The following SUGCT variants were observed in gnomAD, a reference collection of about 807,000 sequenced individuals.
SUGCT encodes succinyl-CoA:glutarate CoA-transferase.
In SUGCT, 41 loss-of-function variants were observed where a neutral mutation model predicts 55.0. That is an observed-to-expected ratio of 0.74 (90% CI 0.58 to 0.97). The LOEUF (loss-of-function observed/expected upper bound fraction) is 0.97, where lower values mean the gene tolerates loss of function less well. SUGCT is among the 50% of genes least tolerant of loss of function. The pLI is 0.00. For missense variants in SUGCT, 568 were observed against 547.8 expected (o/e 1.04, Z -0.37); for synonymous variants, 187 against 200.4 (o/e 0.93, Z 0.56).
At chr7:40,601,941 G>T (rs747191175) in intron 12 of SUGCT, among the ~76,000 whole-genome samples, 1 of 152,048 alleles carries the variant, frequency 6.6e-6, no homozygotes. Context: ...CTGAGAGTTC[G>T]CATTTTAAAG....
the SUGCT span, among the ~76,000 whole-genome samples, chr7:40,974,186 T>A: frequency 6.6e-6 from 1 of 152,194 alleles, no homozygotes; most frequent in Non-Finnish European, 1.5e-5. Context: ...TCTTGTGGTG[T>A]TGTTCACATA....
intron 12 of SUGCT, among the ~76,000 whole-genome samples, chr7:40,641,320 T>C (rs1346705006): frequency 1.3e-5 from 2 of 152,180 alleles, no homozygotes; most frequent in Non-Finnish European, 2.9e-5. Flanking sequence ...CAGAGACATT[T>C]TCCTTTTGGA....
chr7:40,772,288 T>G (rs953893220), intron 13 of SUGCT, among the ~76,000 whole-genome samples: 1 of 152,168 alleles, frequency 6.6e-6, no homozygotes, highest in Non-Finnish European at 1.5e-5. Flanking sequence ...ACGTAAGTCT[T>G]GCAGATTGTT....
rs1254239436 is a variant in SUGCT at position 40,835,141 on chromosome 7, G to T, written c.1154-25175G>T. Among the ~76,000 whole-genome samples the T allele has an allele frequency of 5.3e-5, 8 of 152,322 alleles. No individual in the cohort carries two copies. The East Asian group carries it at 1.5e-3, about 29-fold the overall frequency. ...AGTCCAACTGAGGAACTGAATTTTA[G>T]TTTTATTTAAGTTTAATTCAAACAC... On this transcript the variant is annotated intron_variant, in intron 13 of 13. Coordinates refer to ENST00000335693, the MANE Select transcript of SUGCT (RefSeq NM_001193313.2).
chr7:41,018,115 G>T, the SUGCT span, among the ~76,000 whole-genome samples: 1 of 151,984 alleles, frequency 6.6e-6, no homozygotes, highest in Non-Finnish European at 1.5e-5. Context: ...CTTTGGTCCA[G>T]CTCAAGAGGA....
chr7:40,984,927 G>C, the SUGCT span, among the ~76,000 whole-genome samples: 64 of 152,282 alleles, frequency 4.2e-4, no homozygotes, highest in Non-Finnish European at 4.7e-4. Context: ...AATTTCTGCT[G>C]TCTGTTTGGT....
At chr7:40,944,353 C>T in the SUGCT span, among the ~76,000 whole-genome samples, 17 of 151,284 alleles carry the variant, frequency 1.1e-4, no homozygotes, top group African/African-American at 4.1e-4. Context: ...GAAGTCCTTG[C>T]CCATGCCTAT....
At chr7:40,776,818 C>T (rs1459071144) in intron 13 of SUGCT, among the ~76,000 whole-genome samples, 2 of 152,174 alleles carry the variant, frequency 1.3e-5, no homozygotes, top group African/African-American at 2.4e-5. Context: ...TCTTTCCTAC[C>T]AAGCTTAGAG....
chr7:40,255,522 A>G (rs985905683), intron 7 of SUGCT, among the ~76,000 whole-genome samples: 4 of 150,752 alleles, frequency 2.7e-5, no homozygotes, highest in African/African-American at 9.7e-5. Flanking sequence ...TTAGCCGGGC[A>G]TGATGGTGGA....
intron 12 of SUGCT, among the ~76,000 whole-genome samples, chr7:40,623,099 A>C (rs368906842): frequency 6.6e-6 from 1 of 152,148 alleles, no homozygotes. Context: ...ATTTTCTAGA[A>C]ATCTCCCTGC....
At chr7:40,987,182 A>G in the SUGCT span, among the ~76,000 whole-genome samples, 1 of 152,084 alleles carries the variant, frequency 6.6e-6, no homozygotes, top group Non-Finnish European at 1.5e-5. Context: ...CGTGGTCCTC[A>G]ATATTGTTTT....
chr7:40,497,700 G>C (rs1014378266), intron 12 of SUGCT, among the ~76,000 whole-genome samples: 1 of 152,070 alleles, frequency 6.6e-6, no homozygotes, highest in Non-Finnish European at 1.5e-5. Context: ...TGAAGCTGTC[G>C]TGTATTGAGG....
chr7:40,944,140 T>A, the SUGCT span, among the ~76,000 whole-genome samples: 1 of 152,250 alleles, frequency 6.6e-6, no homozygotes, highest in Non-Finnish European at 1.5e-5. Context: ...TGTTTTTTTC[T>A]TGTAAATTTG....
At chr7:40,390,348 C>T (rs1785357326) in intron 9 of SUGCT, among the ~76,000 whole-genome samples, 1 of 152,100 alleles carries the variant, frequency 6.6e-6, no homozygotes, top group South Asian at 2.1e-4. Flanking sequence ...TCAAATTGTC[C>T]CTGTTTGCAG....
At chr7:40,930,818 T>G in the SUGCT span, among the ~76,000 whole-genome samples, 1 of 152,220 alleles carries the variant, frequency 6.6e-6, no homozygotes, top group Non-Finnish European at 1.5e-5. Flanking sequence ...AAGGAGATTT[T>G]GGGCTGAGAT....
intron 12 of SUGCT, among the ~76,000 whole-genome samples, chr7:40,703,453 C>T (rs541251689): frequency 1.3e-5 from 2 of 152,236 alleles, no homozygotes; most frequent in South Asian, 4.1e-4. Context: ...AGGTCACCTC[C>T]TCTAACCTCT....
intron 12 of SUGCT, among the ~76,000 whole-genome samples, chr7:40,516,093 T>C (rs1024236088): frequency 2.0e-5 from 3 of 152,214 alleles, no homozygotes; most frequent in Non-Finnish European, 4.4e-5. Context: ...TAGTTTTTAT[T>C]TGCATTACAC....
chr7:40,546,667 A>T (rs1055156381), intron 12 of SUGCT: 1 of 152,188 alleles, frequency 6.6e-6, no homozygotes, highest in Admixed American at 6.5e-5. Context: ...TATCAAATTC[A>T]CATTATAGAT....
At chr7:40,480,694 T>C (rs1372954556) in intron 11 of SUGCT, among the ~76,000 whole-genome samples, 1 of 152,196 alleles carries the variant, frequency 6.6e-6, no homozygotes, top group Non-Finnish European at 1.5e-5. Flanking sequence ...ATTAATGTTG[T>C]ATAATTTTTA....
Sources: gnomAD v4.1 joint callset for allele counts (sites outside exome capture counted in the v4.1 genomes callset) on GRCh38, gnomAD v4.1.1 for gene constraint, MANE v1.5 for transcripts, NCBI Gene and HGNC (gene_info 2026-07-23, HGNC 2026-07-21) for gene names.